The following SSBP3 variants were observed in gnomAD, a reference collection of about 807,000 sequenced individuals.
The protein encoded by SSBP3 is single-stranded DNA-binding protein 3.
A neutral mutation model predicts 69.6 loss-of-function variants in SSBP3; 5 were observed. The ratio of observed to expected loss-of-function variants is 0.07; its 90% CI spans 0.04 to 0.15. The LOEUF (loss-of-function observed/expected upper bound fraction) is 0.15. Among genes scored for constraint, SSBP3 ranks in the 10% least tolerant of loss-of-function variants. The pLI, the probability that SSBP3 is intolerant of heterozygous loss-of-function variation, is 1.00. For missense variants in SSBP3, 312 were observed against 534.0 expected, an observed-to-expected ratio of 0.58 and a Z score of 4.10; for synonymous variants, 196 against 193.4, an observed-to-expected ratio of 1.01 and a Z score of -0.11.
At chr1:54,315,603 A>G (rs1211198910) in intron 4 of SSBP3, among the ~76,000 whole-genome samples, 2 of 150,988 alleles carry the variant, frequency 1.3e-5, no homozygotes, top group Non-Finnish European at 3.0e-5. Context: ...TTTAATTTAA[A>G]AAAAAAAAAA....
intron 13 of SSBP3, among the ~76,000 whole-genome samples, chr1:54,240,112 GCGCGCGCGCAACA>G (rs1557449135): frequency 1.3e-4 from 2 of 15,820 alleles, no homozygotes; most frequent in African/African-American, 8.4e-4. Context: ...GTGCGTGCGC[GCGCGCGCGCAACA>G]CATGCCCACG....
intron 9 of SSBP3, among the ~76,000 whole-genome samples, chr1:54,247,544 C>A (rs1644755221): frequency 6.6e-6 from 1 of 152,200 alleles, no homozygotes; most frequent in African/African-American, 2.4e-5. Flanking sequence ...CTTGGACTGG[C>A]CCTGGATCAG....
chr1:54,379,833 C>T (rs1409694929), intron 4 of SSBP3, among the ~76,000 whole-genome samples: 1 of 152,190 alleles, frequency 6.6e-6, no homozygotes, highest in African/African-American at 2.4e-5. Context: ...AAGCACAAGG[C>T]GGTATCGTCC....
chr1:54,243,457 G>A, intron 9 of SSBP3, 158 bp from the exon 10 acceptor site: 4 of 844,664 alleles, frequency 4.7e-6, no homozygotes, highest in Non-Finnish European at 7.7e-6. Context: ...GGGGCGGGTG[G>A]GAACCAAGTC....
At chr1:54,342,936 A>G (rs1646633664) in intron 4 of SSBP3, among the ~76,000 whole-genome samples, 1 of 152,228 alleles carries the variant, frequency 6.6e-6, no homozygotes, top group African/African-American at 2.4e-5. Flanking sequence ...CGATGCCGAC[A>G]GATGGGGAGT....
intron 4 of SSBP3, among the ~76,000 whole-genome samples, chr1:54,317,755 CTG>C (rs1457985337): frequency 6.6e-6 from 1 of 151,994 alleles, no homozygotes; most frequent in Non-Finnish European, 1.5e-5. Context: ...TCTCCATCCT[CTG>C]TGTTTTTGTT....
rs543882468 is a variant in SSBP3, at chr1:54,345,426, T to TG, written c.276+56434dup. On this transcript the variant is annotated intron_variant, in intron 4 of 17. Transcript: ENST00000610401. ...CCATCCAGGGAAAAGACCAAGGCAC[T>TG]GGAAGAACCTCTAAGCCCATGGTCC... Among the ~76,000 whole-genome samples the TG allele has an allele frequency of 3.2e-3, 485 of 152,186 alleles. 3 individuals carry two copies. Among genetic ancestry groups the TG allele is most frequent in the African/African-American group, 0.011 (454 of 41,500 alleles).
intron 15 of SSBP3, 131 bp from the exon 16 acceptor site, chr1:54,228,608 C>T (rs2100548668): frequency 3.4e-6 from 5 of 1,472,070 alleles, no homozygotes; most frequent in Non-Finnish European, 3.7e-6. Context: ...GCTTTCTGTG[C>T]GGCATCCCTC....
intron 13 of SSBP3, among the ~76,000 whole-genome samples, chr1:54,240,079 T>TGCGCGCGC (rs1340814156): frequency 2.1e-4 from 7 of 32,734 alleles, no homozygotes; most frequent in Non-Finnish European, 4.2e-4. Flanking sequence ...TGTGTGTGTG[T>TGCGCGCGC]GTGTGTGTGC....
At chr1:54,375,352 AT>A (rs869286748) in intron 4 of SSBP3, among the ~76,000 whole-genome samples, 1 of 90,438 alleles carries the variant, frequency 1.1e-5, no homozygotes, top group African/African-American at 5.4e-5. Context: ...GCATGCATGC[AT>A]GCATGCATTC....
chr1:54,282,723 C>CT (rs1645419734), intron 4 of SSBP3, among the ~76,000 whole-genome samples: 3 of 152,230 alleles, frequency 2.0e-5, no homozygotes, highest in Admixed American at 1.3e-4. Flanking sequence ...GGCCCTGCTC[C>CT]TTCCCACTGA....
intron 4 of SSBP3, among the ~76,000 whole-genome samples, chr1:54,372,900 C>T (rs1647157828): frequency 6.6e-6 from 1 of 152,240 alleles, no homozygotes; most frequent in African/African-American, 2.4e-5. Flanking sequence ...CTCCAGCAGA[C>T]CCTATGCCTA....
At chr1:54,264,237 G>A (rs973460823) in intron 5 of SSBP3, among the ~76,000 whole-genome samples, 1 of 152,170 alleles carries the variant, frequency 6.6e-6, no homozygotes, top group Non-Finnish European at 1.5e-5. Flanking sequence ...GGGAGGTGGA[G>A]GCTGCAGTCA....
rs566480919 is a variant in SSBP3 at position 54,315,140 on chromosome 1, G to C, written c.277-33613C>G. 4.6e-5 allele frequency among the ~76,000 whole-genome samples: 7 copies of C among 152,276 alleles called. No homozygotes were observed. In the South Asian group the frequency reaches 1.2e-3, roughly 27 times the overall value. ...CATAAACATTACTGAACAAAATGTT[G>C]AATCAAGGCTACTACCGGAGCCTCC... On this transcript the variant is annotated intron_variant, in intron 4 of 17. Coordinates refer to ENST00000610401, the Ensembl canonical transcript of SSBP3.
At chr1:54,352,237 G>A (rs902156023) in intron 4 of SSBP3, among the ~76,000 whole-genome samples, 1 of 131,080 alleles carries the variant, frequency 7.6e-6, no homozygotes, top group Non-Finnish European at 1.5e-5. Context: ...GTACATAAAA[G>A]GACCAAAAGC....
rs997919030 is a variant in SSBP3, at chr1:54,239,288, A to C, written c.857-89T>G. 10 of 1,060,622 alleles carry C rather than the reference A, an allele frequency of 9.4e-6. No individual in the cohort carries two copies. The African/African-American group carries it at 1.6e-4, about 17-fold the overall frequency. 65.7% of individuals were successfully genotyped at this position (1,060,622 alleles called of 1,614,324 possible). On this transcript the variant is annotated intron_variant, in intron 13 of 17. Transcript: ENST00000610401. The stretch of plus-strand genomic sequence containing the variant: ...ATGGCACTGGAACTCATTCTTTTGT[A>C]TTTTATAACCTAAAATTTCCTCTAA...
chr1:54,279,225 G>A (rs1297196989), intron 5 of SSBP3, among the ~76,000 whole-genome samples: 1 of 152,200 alleles, frequency 6.6e-6, no homozygotes, highest in African/African-American at 2.4e-5. Context: ...AAACAGAGGT[G>A]ACCTCAAGTC....
At chr1:54,329,589 A>G (rs1646371349) in intron 4 of SSBP3, among the ~76,000 whole-genome samples, 1 of 152,214 alleles carries the variant, frequency 6.6e-6, no homozygotes, top group African/African-American at 2.4e-5. Context: ...CCCAGGCTAC[A>G]GGGGAGGTGA....
Position 54,258,322 on chromosome 1 carries a change from C to T in SSBP3, c.367-173G>A, listed in dbSNP as rs3766443. Among the ~76,000 whole-genome samples the T allele has an allele frequency of 2.0e-4, 30 of 152,208 alleles. 1 individual carries two copies. In the East Asian group the frequency reaches 5.6e-3, roughly 28 times the overall value. ...GCTGCTGCTTTGGTCGCCGGCTCAA[C>T]GGTGTAAAACGGCGAGCGGGAGCGA... On this transcript the variant is annotated intron_variant, in intron 5 of 17. Coordinates refer to ENST00000610401, the Ensembl canonical transcript of SSBP3. This position sits in a 1 kb window ranked among gnomAD's most constrained non-coding sequence, Gnocchi z 4.5.
Sources: allele counts gnomAD v4.1 joint callset (sites outside exome capture counted in the v4.1 genomes callset), GRCh38; gene constraint gnomAD v4.1.1; non-coding constraint Gnocchi (gnomAD v3.1); transcripts MANE v1.5; gene names NCBI Gene and HGNC (gene_info 2026-07-23, HGNC 2026-07-21).